SLAMF1: variants seen among roughly 807,000 people sequenced by gnomAD.
SLAMF1 encodes signaling lymphocytic activation molecule family member 1.
A neutral mutation model predicts 35.1 loss-of-function variants in SLAMF1; 18 were observed. That is an observed-to-expected ratio of 0.51 (90% CI 0.35 to 0.76). The LOEUF is 0.76. SLAMF1 is among the 30% of genes least tolerant of loss of function. SLAMF1 has a pLI of 0.01. For missense variants in SLAMF1, 392 were observed against 413.0 expected, an observed-to-expected ratio of 0.95 and a Z score of 0.44; for synonymous variants, 168 against 157.2, an observed-to-expected ratio of 1.07 and a Z score of -0.51.
At chr1:160,644,123 T>A (rs926784546) in intron 1 of SLAMF1, among the ~76,000 whole-genome samples, 1 of 152,262 alleles carries the variant, frequency 6.6e-6, no homozygotes, top group Non-Finnish European at 1.5e-5. Context: ...GTGATTTTTA[T>A]CAGTCTCTCA....
intron 5 of SLAMF1, among the ~76,000 whole-genome samples, chr1:160,615,927 AG>A (rs1414681515): frequency 2.6e-5 from 4 of 152,364 alleles, no homozygotes; most frequent in African/African-American, 9.6e-5. Flanking sequence ...TAAAGCCTCC[AG>A]ATGGAGTGTG....
chr1:160,631,338 A>T (rs1570994392), intron 3 of SLAMF1, among the ~76,000 whole-genome samples: 1 of 152,170 alleles, frequency 6.6e-6, no homozygotes, highest in South Asian at 2.1e-4. Flanking sequence ...GGTGGGGAGG[A>T]GGCATCTCTA....
chr1:160,613,467 A>G (rs929560715), intron 5 of SLAMF1, among the ~76,000 whole-genome samples: 1 of 152,214 alleles, frequency 6.6e-6, no homozygotes, highest in Non-Finnish European at 1.5e-5. Flanking sequence ...CAATTCCTGG[A>G]CAAAGACCTC....
At chr1:160,611,264 C>T (rs987461564) in intron 6 of SLAMF1, among the ~76,000 whole-genome samples, 1 of 152,114 alleles carries the variant, frequency 6.6e-6, no homozygotes, top group African/African-American at 2.4e-5. Context: ...AAAGATCTCT[C>T]ATGTCAAAGA....
intron 3 of SLAMF1, among the ~76,000 whole-genome samples, chr1:160,629,436 G>T (rs554108006): frequency 6.6e-6 from 1 of 152,256 alleles, no homozygotes; most frequent in Admixed American, 6.5e-5. Context: ...CGACGTTAGC[G>T]TAACGGTGGG....
chr1:160,639,338 G>A (rs927174399), intron 1 of SLAMF1, among the ~76,000 whole-genome samples: 1 of 152,048 alleles, frequency 6.6e-6, no homozygotes. Flanking sequence ...CAAGTCCCCT[G>A]CCTCAGTCTC....
intron 4 of SLAMF1, among the ~76,000 whole-genome samples, chr1:160,623,754 G>T (rs1659734944): frequency 6.6e-6 from 1 of 152,120 alleles, no homozygotes; most frequent in African/African-American, 2.4e-5. Flanking sequence ...TCTGAATTCT[G>T]TTCCCAGTGA....
At chr1:160,638,833 C>A (rs1011386052) in intron 1 of SLAMF1, among the ~76,000 whole-genome samples, 5 of 152,306 alleles carry the variant, frequency 3.3e-5, no homozygotes, top group Admixed American at 2.0e-4. Flanking sequence ...GCTCAGGGAA[C>A]AACATACTCT....
chr1:160,637,263 C>T lies in SLAMF1; in HGVS notation c.343G>A (p.Glu115Lys). The T allele has an allele frequency of 1.2e-6, 2 of 1,614,136 alleles. No individual in the cohort carries two copies. The highest frequency in any genetic ancestry group is 1.7e-6 in the Non-Finnish European group (2 of 1,180,018). Residue 115 changes from glutamate to lysine, a missense_variant, in exon 2 of 7, where the codon GAG becomes AAG. Transcript: ENST00000302035. ...LGIRESRKED[E>K]GWYLMTLEKN... The stretch of plus-strand genomic sequence containing the variant: ...TCCAGGGTCATAAGGTACCATCCCT[C>T]ATCCTCCTTCCTGCTTTCCCGTATC...
rs760165651 is a variant in SLAMF1 at position 160,646,868 on chromosome 1, A to G, written c.76+2T>C. 6.4e-7 allele frequency: 1 copy of G among 1,566,348 alleles called. No homozygotes were observed. Among genetic ancestry groups the G allele is most frequent in the South Asian group, 1.1e-5 (1 of 90,000 alleles). On this transcript the variant is annotated splice_donor_variant, in intron 1 of 6. Coordinates refer to ENST00000302035, the MANE Select transcript of SLAMF1 (RefSeq NM_003037.5). LOFTEE classifies it high-confidence loss of function. ...CAAACCATCAGGCAGATGAACACTC[A>G]CCTGTTCCGTAGCTTGCCCCAAAAG...
chr1:160,616,870 T>C (rs539859985), intron 5 of SLAMF1, among the ~76,000 whole-genome samples: 16 of 152,286 alleles, frequency 1.1e-4, no homozygotes, highest in Middle Eastern at 3.4e-3. Context: ...TGCATAGCAA[T>C]TGAGGCCAGG....
At chr1:160,631,603 T>A (rs919887014) in intron 3 of SLAMF1, among the ~76,000 whole-genome samples, 2 of 152,106 alleles carry the variant, frequency 1.3e-5, no homozygotes, top group Non-Finnish European at 1.5e-5. Flanking sequence ...GCCCCTAATC[T>A]AACCTAACTG....
At chr1:160,633,864 C>T (rs1025372654) in intron 3 of SLAMF1, among the ~76,000 whole-genome samples, 10 of 152,202 alleles carry the variant, frequency 6.6e-5, no homozygotes, top group African/African-American at 2.4e-4. Flanking sequence ...GAAGAGGGTA[C>T]TTAAATGGTA....
intron 1 of SLAMF1, among the ~76,000 whole-genome samples, chr1:160,644,875 G>A (rs1396397420): frequency 6.6e-6 from 1 of 152,168 alleles, no homozygotes; most frequent in African/African-American, 2.4e-5. Context: ...CCCAAAGTGT[G>A]TGAAGGGGGT....
At chr1:160,635,373 G>A (rs143019681) in intron 2 of SLAMF1, among the ~76,000 whole-genome samples, 64 of 152,294 alleles carry the variant, frequency 4.2e-4, no homozygotes, top group African/African-American at 1.3e-3. Flanking sequence ...GTACACGGGC[G>A]CATGGGTGAG....
In SLAMF1 at chr1:160,615,706, A is replaced by G. The variant is rs369793862; in HGVS notation, c.865-3126T>C. Reference sequence around the variant, plus strand: ...AATAAAGGTCTTCACAGATGTCAAGATAAGGATTTCAAAATAAGGTCATCC... The same window carrying G: ...AATAAAGGTCTTCACAGATGTCAAGGTAAGGATTTCAAAATAAGGTCATCC... On this transcript the variant is annotated intron_variant, in intron 5 of 6. Coordinates refer to ENST00000302035, the MANE Select transcript of SLAMF1 (RefSeq NM_003037.5). 433 of 332,712 alleles carry G rather than the reference A, an allele frequency of 1.3e-3. 8 individuals carry two copies. Among genetic ancestry groups the G allele is most frequent in the South Asian group, 8.8e-3 (360 of 40,784 alleles). 20.6% of individuals were successfully genotyped at this position (332,712 alleles called of 1,614,324 possible). A position where few individuals can be genotyped will look rare whatever the true frequency, so the allele number is the denominator to read the frequency against.
At chr1:160,619,666 C>T (rs113367426) in intron 5 of SLAMF1, 110 bp downstream of exon 5, 12,319 of 774,448 alleles carry the variant, frequency 0.016, 143 homozygotes, top group African/African-American at 0.035. Flanking sequence ...TGTTCCCTAC[C>T]TTCCTCTGCT....
intron 3 of SLAMF1, among the ~76,000 whole-genome samples, chr1:160,629,351 A>AT (rs199932307): frequency 0.011 from 1,630 of 151,798 alleles, 27 homozygotes; most frequent in African/African-American, 0.037. Flanking sequence ...TATTATTAAT[A>AT]TTTTTTTTAG....
intron 1 of SLAMF1, among the ~76,000 whole-genome samples, chr1:160,644,523 A>G (rs1314488935): frequency 3.3e-5 from 5 of 152,226 alleles, no homozygotes; most frequent in Non-Finnish European, 7.3e-5. Context: ...ATATTTGTGG[A>G]CAGGCTCTCA....
Sources: allele counts gnomAD v4.1 joint callset (sites outside exome capture counted in the v4.1 genomes callset), GRCh38; gene constraint gnomAD v4.1.1; transcripts MANE v1.5; gene names NCBI Gene and HGNC (gene_info 2026-07-23, HGNC 2026-07-21).